The following PUS7 variants were observed in gnomAD, a reference collection of about 807,000 sequenced individuals.
PUS7 encodes the protein pseudouridylate synthase 7 homolog.
PUS7 carries 48 observed loss-of-function variants against 79.8 expected under a neutral mutation model. The ratio of observed to expected loss-of-function variants is 0.60; its 90% CI spans 0.48 to 0.76. The LOEUF is 0.76. PUS7 is among the 30% of genes least tolerant of loss of function. The pLI, the probability that PUS7 is intolerant of heterozygous loss-of-function variation, is 0.00. For missense variants in PUS7, 729 were observed against 797.6 expected, an observed-to-expected ratio of 0.91 and a Z score of 1.04; for synonymous variants, 286 against 272.2, an observed-to-expected ratio of 1.05 and a Z score of -0.50.
chr7:105,506,598 T>C (rs1474181082), intron 2 of PUS7, among the ~76,000 whole-genome samples: 2 of 152,004 alleles, frequency 1.3e-5, no homozygotes, highest in African/African-American at 4.8e-5. Flanking sequence ...AATTTTTGTA[T>C]TTTTAGTAGA....
chr7:105,458,417 C>T (rs1160070064), intron 15 of PUS7, among the ~76,000 whole-genome samples: 5 of 151,222 alleles, frequency 3.3e-5, no homozygotes, highest in East Asian at 1.9e-4. Flanking sequence ...CCCACCACCA[C>T]GCCCGCCTAA....
Position 105,462,430 on chromosome 7 carries a change from CA to C in PUS7, c.1757+190del, listed in dbSNP as rs369358155. 4.0e-3 allele frequency: 2,165 copies of C among 535,958 alleles called. 29 individuals are homozygous for C. In the African/African-American group the frequency reaches 0.044, roughly 11 times the overall value. The allele number at this position is 535,958 out of a possible 1,614,324, so 33.2% of individuals were successfully genotyped here. ...CTGGGTGACTAGTGAAACTCCGTCT[CA>C]AAAAAAAACCAAAAAAAAAACAAAA... On this transcript the variant is annotated intron_variant, in intron 14 of 15. Coordinates refer to ENST00000469408, the MANE Select transcript of PUS7 (RefSeq NM_019042.5).
chr7:105,463,065 A>G (rs1823499109), intron 13 of PUS7, among the ~76,000 whole-genome samples: 1 of 152,184 alleles, frequency 6.6e-6, no homozygotes, highest in Non-Finnish European at 1.5e-5. Context: ...TGCATTTTAT[A>G]TGGGCTGAGA....
intron 1 of PUS7, among the ~76,000 whole-genome samples, chr7:105,519,340 TCTC>T (rs1826016748): frequency 6.6e-6 from 1 of 152,006 alleles, no homozygotes; most frequent in Non-Finnish European, 1.5e-5. Context: ...TTCCGGCGAT[TCTC>T]CTACCTCAGC....
chr7:105,462,405 C>A (rs1319544674), intron 14 of PUS7: 4 of 487,148 alleles, frequency 8.2e-6, no homozygotes, highest in African/African-American at 2.1e-5. Context: ...GTGCTCCAGC[C>A]TGGGTGACTA....
intron 9 of PUS7, among the ~76,000 whole-genome samples, chr7:105,472,920 CTTTTT>C (rs758552553): frequency 4.3e-5 from 5 of 116,408 alleles, no homozygotes; most frequent in Non-Finnish European, 8.8e-5. Context: ...TGCCCAGCTA[CTTTTT>C]TTTTTTTTTT....
intron 4 of PUS7, among the ~76,000 whole-genome samples, chr7:105,504,169 A>G (rs1444636843): frequency 1.5e-5 from 2 of 137,614 alleles, no homozygotes; most frequent in Non-Finnish European, 3.2e-5. Context: ...TCCCAGGTTC[A>G]AGTGATTCTC....
In PUS7 at chr7:105,495,162, A is replaced by G. The variant is rs145505279; in HGVS notation, c.822T>C (p.Asn274=). 9 of 1,604,316 alleles carry G rather than the reference A, an allele frequency of 5.6e-6. No homozygotes were observed. The Admixed American group carries it at 1.3e-4, about 24-fold the overall frequency. ...CTCACCTTAAGTATTTGGAGAGTAC[A>G]TTAATAGCATCCATGGTGTCTTTGT... ...KENKDTMDAI[N]VLSKYLRVKP... is the part of the protein sequence containing the mutation. The change falls in exon 6 of 16, where the codon AAT becomes AAC. Residue 274 remains asparagine (N), a synonymous_variant. Coordinates refer to ENST00000469408, the MANE Select transcript of PUS7 (RefSeq NM_019042.5).
At chr7:105,487,395 C>A (rs952262364) in intron 7 of PUS7, among the ~76,000 whole-genome samples, 3 of 152,164 alleles carry the variant, frequency 2.0e-5, no homozygotes, top group African/African-American at 7.2e-5. Flanking sequence ...TAAGGTTTAT[C>A]CATGTTTTAA....
rs80103505 is a variant in PUS7, at chr7:105,497,929, T to C, written c.731-2676A>G. 3.0e-3 allele frequency among the ~76,000 whole-genome samples: 450 copies of C among 152,300 alleles called. 3 individuals are homozygous for C. Among genetic ancestry groups the C allele is most frequent in the African/African-American group, 9.9e-3 (411 of 41,568 alleles). Reference sequence around the variant, plus strand: ...CCATAATAAAAACTTTAAAAACACTTGTGATAAAAGTTGATGAAGTGTAGC... The same window carrying C: ...CCATAATAAAAACTTTAAAAACACTCGTGATAAAAGTTGATGAAGTGTAGC... On this transcript the variant is annotated intron_variant, in intron 5 of 15. Coordinates refer to ENST00000469408, the MANE Select transcript of PUS7 (RefSeq NM_019042.5).
chr7:105,491,028 A>G (rs1011662178), intron 7 of PUS7, among the ~76,000 whole-genome samples: 4 of 152,074 alleles, frequency 2.6e-5, no homozygotes, highest in Non-Finnish European at 4.4e-5. Context: ...CTAAATTAAA[A>G]CTCAGCATCC....
At chr7:105,503,161 T>C (rs149080161) in intron 4 of PUS7, among the ~76,000 whole-genome samples, 4 of 152,302 alleles carry the variant, frequency 2.6e-5, no homozygotes, top group Admixed American at 6.5e-5. Context: ...AAGTGAGGAA[T>C]TGTGTCTGCG....
chr7:105,461,891 G>A (rs574380848), intron 14 of PUS7, among the ~76,000 whole-genome samples: 3 of 152,026 alleles, frequency 2.0e-5, no homozygotes, highest in African/African-American at 7.2e-5. Context: ...CATAGAAAAG[G>A]CACAGGCTGG....
chr7:105,478,201 T>C (rs1377243351), intron 9 of PUS7, among the ~76,000 whole-genome samples: 1 of 152,252 alleles, frequency 6.6e-6, no homozygotes, highest in African/African-American at 2.4e-5. Context: ...CTGTATATTA[T>C]TGTATATTAC....
intron 10 of PUS7, among the ~76,000 whole-genome samples, chr7:105,471,868 T>C (rs1823886079): frequency 6.9e-6 from 1 of 145,248 alleles, no homozygotes; most frequent in Admixed American, 7.1e-5. Context: ...ACTGAGATCA[T>C]GCCATTGCAC....
At chr7:105,512,313 T>C (rs925105769) in intron 1 of PUS7, among the ~76,000 whole-genome samples, 2 of 151,940 alleles carry the variant, frequency 1.3e-5, no homozygotes, top group African/African-American at 4.8e-5. Context: ...ACAGGTGTAG[T>C]CAAAAAAAGA....
intron 7 of PUS7, among the ~76,000 whole-genome samples, chr7:105,489,822 C>A (rs1400439343): frequency 6.6e-6 from 1 of 152,034 alleles, no homozygotes; most frequent in Non-Finnish European, 1.5e-5. Flanking sequence ...TGAGGAAATT[C>A]AAAATAAATA....
chr7:105,519,137 A>G (rs907368316), intron 1 of PUS7, among the ~76,000 whole-genome samples: 2 of 152,168 alleles, frequency 1.3e-5, no homozygotes, highest in African/African-American at 2.4e-5. Flanking sequence ...TTCACTTTGT[A>G]AATACATCTT....
intron 5 of PUS7, among the ~76,000 whole-genome samples, chr7:105,501,591 G>A (rs899078375): frequency 6.6e-6 from 1 of 152,152 alleles, no homozygotes; most frequent in African/African-American, 2.4e-5. Flanking sequence ...ATGTGTGACT[G>A]AAGAAGATAC....
Sources: allele counts gnomAD v4.1 joint callset (sites outside exome capture counted in the v4.1 genomes callset), GRCh38; gene constraint gnomAD v4.1.1; transcripts MANE v1.5; gene names NCBI Gene and HGNC (gene_info 2026-07-23, HGNC 2026-07-21).